Variants in RANBP2 observed in about 807,000 individuals in gnomAD.
RANBP2 encodes the protein RAN binding protein 2, also known as E3 SUMO-protein ligase RanBP2.
A neutral mutation model predicts 303.6 loss-of-function variants in RANBP2; 57 were observed. The ratio of observed to expected loss-of-function variants is 0.19; its 90% confidence interval spans 0.15 to 0.23. The LOEUF is 0.23. Among genes scored for constraint, RANBP2 ranks in the 10% least tolerant of loss-of-function variants. RANBP2 has a pLI of 1.00. For missense variants in RANBP2, 3,138 were observed against 3,780.8 expected (o/e 0.83, Z 4.46); for synonymous variants, 1,167 against 1,301.5 (o/e 0.90, Z 2.23).
chr2:109,188,234 G>A, the RANBP2 span, among the ~76,000 whole-genome samples: 1 of 152,246 alleles, frequency 6.6e-6, no homozygotes, highest in Non-Finnish European at 1.5e-5. Context: ...TGTAGCAGGG[G>A]TGCCTCTGAA....
At chr2:109,318,950 C>T in the RANBP2 span, among the ~76,000 whole-genome samples, 8 of 152,344 alleles carry the variant, frequency 5.3e-5, no homozygotes, top group East Asian at 1.5e-3. Context: ...TCATAACTTC[C>T]CTGAGAACAT....
chr2:109,537,677 G>A, the RANBP2 span, among the ~76,000 whole-genome samples: 1 of 152,122 alleles, frequency 6.6e-6, no homozygotes, highest in East Asian at 1.9e-4. Flanking sequence ...TGGGTGCGGT[G>A]GCTCACATCT....
chr2:109,348,018 C>A, the RANBP2 span: 10 of 1,518,960 alleles, frequency 6.6e-6, no homozygotes, highest in Non-Finnish European at 7.1e-6. Flanking sequence ...CTCTTCCCAG[C>A]CACAGACCTA....
At chr2:108,964,942 A>G in the RANBP2 span, among the ~76,000 whole-genome samples, 4 of 152,230 alleles carry the variant, frequency 2.6e-5, no homozygotes, top group Admixed American at 2.0e-4. Context: ...TAAATCCTAT[A>G]AAGTTCAGCT....
chr2:109,107,903 T>C, the RANBP2 span, among the ~76,000 whole-genome samples: 1 of 150,360 alleles, frequency 6.7e-6, no homozygotes, highest in African/African-American at 2.4e-5. Flanking sequence ...GCCCAGCTAA[T>C]GTTTGTATAT....
intron 1 of RANBP2, among the ~76,000 whole-genome samples, chr2:108,722,410 T>C (rs1463213966): frequency 6.6e-6 from 1 of 151,842 alleles, no homozygotes; most frequent in African/African-American, 2.4e-5. Flanking sequence ...GGATAGAAGG[T>C]AAAGAATGGA....
chr2:109,294,196 C>T, the RANBP2 span, among the ~76,000 whole-genome samples: 2 of 152,288 alleles, frequency 1.3e-5, no homozygotes, highest in South Asian at 4.1e-4. Context: ...TTGTATGTCA[C>T]ATACAGCTCC....
chr2:109,514,734 T>C, the RANBP2 span, among the ~76,000 whole-genome samples: 1 of 152,238 alleles, frequency 6.6e-6, no homozygotes, highest in Non-Finnish European at 1.5e-5. Context: ...CCGATTGGTC[T>C]CTGGACTCTT....
At chr2:109,282,755 A>C in the RANBP2 span, among the ~76,000 whole-genome samples, 1 of 152,184 alleles carries the variant, frequency 6.6e-6, no homozygotes, top group Non-Finnish European at 1.5e-5. Context: ...CAGAACGGCC[A>C]AAGGAGAAAG....
chr2:109,723,530 A>G, the RANBP2 span, among the ~76,000 whole-genome samples: 1 of 151,952 alleles, frequency 6.6e-6, no homozygotes, highest in Non-Finnish European at 1.5e-5. Context: ...AGTGATGTTG[A>G]GCTTTTTTTC....
the RANBP2 span, chr2:109,613,358 G>T: frequency 2.8e-6 from 1 of 354,054 alleles, no homozygotes; most frequent in Non-Finnish European, 5.3e-6. Flanking sequence ...AAACGGGAGA[G>T]CTTTTGAAAA....
At chr2:109,422,304 T>A in the RANBP2 span, among the ~76,000 whole-genome samples, 1 of 152,190 alleles carries the variant, frequency 6.6e-6, no homozygotes, top group South Asian at 2.1e-4. Flanking sequence ...ATGGAATGAC[T>A]TCAGGAGACC....
the RANBP2 span, chr2:109,543,921 C>T: frequency 1.5e-5 from 7 of 475,408 alleles, no homozygotes; most frequent in Admixed American, 3.9e-5. Flanking sequence ...GTTTCACATC[C>T]ACCTTATACA....
chr2:109,642,745 A>C, the RANBP2 span, among the ~76,000 whole-genome samples: 1 of 152,222 alleles, frequency 6.6e-6, no homozygotes, highest in South Asian at 2.1e-4. Context: ...CAGAAGGGAA[A>C]ATTTTTTAAG....
the RANBP2 span, among the ~76,000 whole-genome samples, chr2:108,943,268 G>A: frequency 5.3e-5 from 8 of 152,190 alleles, no homozygotes. Context: ...CACCTGAGAC[G>A]GGTCTGCTCC....
the RANBP2 span, among the ~76,000 whole-genome samples, chr2:109,533,730 A>G: frequency 0.017 from 2,595 of 152,328 alleles, 65 homozygotes; most frequent in African/African-American, 0.059. Flanking sequence ...GTAATTTCTA[A>G]CAGAAAAGCA....
chr2:109,545,488 G>T, the RANBP2 span: 3 of 1,536,086 alleles, frequency 2.0e-6, no homozygotes, highest in Non-Finnish European at 2.6e-6. Context: ...GTCCACCATT[G>T]GTTTCACAAG....
the RANBP2 span, among the ~76,000 whole-genome samples, chr2:109,656,155 G>A: frequency 6.6e-6 from 1 of 152,092 alleles, no homozygotes; most frequent in African/African-American, 2.4e-5. Flanking sequence ...CTTTGCTACT[G>A]CACCATGAGC....
the RANBP2 span, among the ~76,000 whole-genome samples, chr2:109,149,018 C>A: frequency 6.6e-6 from 1 of 152,188 alleles, no homozygotes; most frequent in Non-Finnish European, 1.5e-5. Flanking sequence ...AACTGCAGAT[C>A]CCCCTTTCTC....
Sources: allele counts gnomAD v4.1 joint callset (sites outside exome capture counted in the v4.1 genomes callset), GRCh38; gene constraint gnomAD v4.1.1; transcripts MANE v1.5; gene names NCBI Gene and HGNC (gene_info 2026-07-23, HGNC 2026-07-21).